Variants in TMEM37 observed in about 807,000 individuals in gnomAD.
TMEM37 encodes the protein voltage-dependent calcium channel gamma-like subunit.
TMEM37 carries 12 observed loss-of-function variants against 11.0 expected under a neutral mutation model. The observed-to-expected ratio is 1.09, with a 90% CI of 0.70 to 1.76. The LOEUF (loss-of-function observed/expected upper bound fraction) is 1.76, where lower values mean the gene tolerates loss of function less well. TMEM37 is among the 40% of genes most tolerant of loss of function. The pLI, the probability that TMEM37 is intolerant of heterozygous loss-of-function variation, is 0.00. For synonymous variants in TMEM37, 127 were observed against 110.5 expected, an observed-to-expected ratio of 1.15 and a Z score of -0.94; for missense variants, 203 against 251.2, an observed-to-expected ratio of 0.81 and a Z score of 1.30.
rs1682406561 is a variant in TMEM37 at position 119,431,932 on chromosome 2, G to C, written c.21+8G>C. 3 of 1,225,010 alleles carry C rather than the reference G, an allele frequency of 2.4e-6. No homozygotes were observed. The allele number at this position is 1,225,010 out of a possible 1,614,324, so 75.9% of individuals were successfully genotyped here. On this transcript the variant is annotated splice_region_variant and intron_variant, in intron 1 of 1. Coordinates refer to ENST00000306406, the MANE Select transcript of TMEM37 (RefSeq NM_183240.3). Reference sequence around the variant, plus strand: ...ACTGCCGTCGGCGTGCAGGTAGCCGGCGCCTGGCGGGGCGCTGACCCGGGG... The same window carrying C: ...ACTGCCGTCGGCGTGCAGGTAGCCGCCGCCTGGCGGGGCGCTGACCCGGGG...
rs200852619 is a variant in TMEM37, at chr2:119,437,919, TAGG to T, written c.*481_*483del. The T allele has an allele frequency of 2.8e-3, 281 of 100,344 alleles. 1 individual carries two copies. Among genetic ancestry groups the T allele is most frequent in the Middle Eastern group, 4.9e-3 (1 of 204 alleles). The allele number at this position is 100,344 out of a possible 1,614,324, so 6.2% of individuals were successfully genotyped here. A position where few individuals can be genotyped will look rare whatever the true frequency, so the allele number is the denominator to read the frequency against. On this transcript the variant is annotated 3_prime_UTR_variant, in exon 2 of 2. Coordinates refer to ENST00000306406, the MANE Select transcript of TMEM37 (RefSeq NM_183240.3). ...TCCAGCTAAGGGTCCAATCAGTGCC[TAGG>T]ACTTTCTTCCACCAGCTCAAAGGGC...
chr2:119,429,928 T>A (rs1027361646), upstream of TMEM37: 1 of 1,550,530 alleles, frequency 6.4e-7, no homozygotes, highest in East Asian at 2.4e-5. Context: ...TGGGTGCAGA[T>A]GACCCGACCT....
upstream of TMEM37, chr2:119,430,436 A>G (rs1290069600): frequency 6.3e-6 from 3 of 473,852 alleles, no homozygotes; most frequent in African/African-American, 2.0e-5. Flanking sequence ...AGTGGACTCA[A>G]TGTGGGTGGC....
chr2:119,431,865 T>C lies in TMEM37; in HGVS notation c.-39T>C, dbSNP rs1373880438. The C allele has an allele frequency of 8.9e-6, 11 of 1,233,792 alleles. 1 individual carries two copies. The African/African-American group carries it at 1.6e-4, about 18-fold the overall frequency. 76.4% of individuals were successfully genotyped at this position (1,233,792 alleles called of 1,614,324 possible). A position where few individuals can be genotyped will look rare whatever the true frequency, so the allele number is the denominator to read the frequency against. On this transcript the variant is annotated 5_prime_UTR_variant, in exon 1 of 2. Coordinates refer to ENST00000306406, the MANE Select transcript of TMEM37 (RefSeq NM_183240.3). ...GCGCCGGCGGCCACAGCGGAGCAGC[T>C]GGAGCGATCGAGGCTGCAGCGCGGC...
intron 1 of TMEM37, among the ~76,000 whole-genome samples, chr2:119,436,003 G>A (rs753376941): frequency 7.9e-5 from 12 of 152,294 alleles, no homozygotes; most frequent in South Asian, 2.1e-4. Context: ...GTGGGGAGGC[G>A]GAGCGGATTG....
At chr2:119,431,102 T>C (rs114123363), upstream of TMEM37, among the ~76,000 whole-genome samples, 672 of 151,784 alleles carry the variant, frequency 4.4e-3, 5 homozygotes, top group African/African-American at 0.016. Context: ...TGAGCCGTGA[T>C]CGCGTCATTG....
upstream of TMEM37, chr2:119,430,457 C>G (rs1384996670): frequency 2.1e-6 from 1 of 472,334 alleles, no homozygotes; most frequent in East Asian, 6.9e-5. Flanking sequence ...CTGGGCCAAG[C>G]CTTCCTGTGC....
chr2:119,437,219 A>G lies in TMEM37; in HGVS notation c.352A>G (p.Lys118Glu). The change falls in exon 2 of 2, where the codon AAA becomes GAA. Residue 118 changes from lysine to glutamate, a missense_variant. Physicochemically the swap from Lys to Glu is moderately conservative, Grantham distance 56 (BLOSUM62 1). Transcript: ENST00000306406. ...CATGGTGTCCCAGTTGTGCGAGGAC[A>G]AACACTCACAGTGCAAGTGGGTCAT... ...FLMVSQLCED[K>E]HSQCKWVMGS... is the part of the protein sequence containing the mutation. The G allele has an allele frequency of 6.2e-7, 1 of 1,614,230 alleles. No individual in the cohort carries two copies. The highest frequency in any genetic ancestry group is 8.5e-7 in the Non-Finnish European group (1 of 1,180,042).
Position 119,437,103 on chromosome 2 carries a change from C to T in TMEM37, c.236C>T (p.Ala79Val). The T allele has an allele frequency of 6.2e-7, 1 of 1,613,982 alleles. No homozygotes were observed. The highest frequency in any genetic ancestry group is 8.5e-7 in the Non-Finnish European group (1 of 1,179,932). ...ATCTGCTTCAGAGACCTGGGCCAGG[C>T]CCATGTGCCCGGGCTGGCCGTGGGC... ...QTICFRDLGQ[A>V]HVPGLAVGMG... Residue 79 changes from alanine (A) to valine (V), a missense_variant, in exon 2 of 2, where the codon GCC (alanine) becomes GTC (valine). Transcript: ENST00000306406.
chr2:119,430,070 A>G, upstream of TMEM37: 1 of 1,138,562 alleles, frequency 8.8e-7, no homozygotes, highest in Non-Finnish European at 1.3e-6. Flanking sequence ...GCAACAGGAC[A>G]GGTCTTCCTT....
chr2:119,431,967 G>A, intron 1 of TMEM37, 43 bp downstream of exon 1: 1 of 1,190,372 alleles, frequency 8.4e-7, no homozygotes, highest in Non-Finnish European at 1.0e-6. Context: ...GTGCTGCCCC[G>A]CCGTGGGAGG....
At position 119,437,594 on chromosome 2, in the gene TMEM37, C is replaced by G; in HGVS notation, c.*154C>G. The G allele has an allele frequency of 9.5e-7, 1 of 1,049,330 alleles. No homozygotes were observed. The highest frequency in any genetic ancestry group is 2.5e-5 in the East Asian group (1 of 39,256). The allele number at this position is 1,049,330 out of a possible 1,614,324, so 65.0% of individuals were successfully genotyped here. The stretch of plus-strand genomic sequence containing the variant: ...TTGCCGATAACTTGTGGGTGGTCAG[C>G]CAGAAATGGCCCGGGGGCCTCTGCA... On this transcript the variant is annotated 3_prime_UTR_variant, in exon 2 of 2. Transcript: ENST00000306406.
In TMEM37 at chr2:119,437,366, A is replaced by G; in HGVS notation, c.499A>G (p.Thr167Ala). The G allele has an allele frequency of 1.9e-6, 3 of 1,614,220 alleles. No individual in the cohort carries two copies. Among genetic ancestry groups the G allele is most frequent in the Non-Finnish European group, 2.5e-6 (3 of 1,180,040 alleles). The change falls in exon 2 of 2, where the codon ACT becomes GCT. Residue 167 changes from threonine to alanine, a missense_variant. Thr to Ala is a moderately conservative substitution (Grantham distance 58, BLOSUM62 0). Coordinates refer to ENST00000306406, the MANE Select transcript of TMEM37 (RefSeq NM_183240.3). Reference sequence around the variant, plus strand: ...CACCCTAATGTTTTGGTGCGAATTCACTGCCTCCTTCCTCCTCTTCCTGAA... The same window carrying G: ...CACCCTAATGTTTTGGTGCGAATTCGCTGCCTCCTTCCTCCTCTTCCTGAA... The part of the protein sequence containing the change: ...GFTLMFWCEF[T>A]ASFLLFLNAI...
chr2:119,430,453 CA>C (rs534512857), upstream of TMEM37: 14 of 472,902 alleles, frequency 3.0e-5, no homozygotes, highest in East Asian at 2.8e-4. Flanking sequence ...TGGCCTGGGC[CA>C]AGCCTTCCTG....
rs774921242 is a variant in TMEM37, at chr2:119,437,442, C to G, written c.*2C>G. ...AGCATCACCCATCCCTGGGAATGAC[C>G]GTGGAAATTTTAGGCCCCCTCCAGG... On this transcript the variant is annotated 3_prime_UTR_variant, in exon 2 of 2. Transcript: ENST00000306406. 6.2e-7 allele frequency: 1 copy of G among 1,608,926 alleles called. No individual in the cohort carries two copies.
chr2:119,435,589 C>T (rs768018994), intron 1 of TMEM37, among the ~76,000 whole-genome samples: 5 of 152,216 alleles, frequency 3.3e-5, no homozygotes, highest in Non-Finnish European at 7.3e-5. Context: ...ACTTATCTCA[C>T]AGCTCTCCCT....
chr2:119,430,343 C>T, upstream of TMEM37: 1 of 508,208 alleles, frequency 2.0e-6, no homozygotes, highest in Non-Finnish European at 4.0e-6. Context: ...TTTAACAAAC[C>T]TTCCAGGTGA....
chr2:119,436,754 C>A, intron 1 of TMEM37, 135 bp from the exon 2 acceptor site: 1 of 732,220 alleles, frequency 1.4e-6, no homozygotes, highest in Non-Finnish European at 2.3e-6. Flanking sequence ...TGGTCTGTTC[C>A]GGGCTTCACA....
chr2:119,431,160 AAGAG>A (rs570792519), upstream of TMEM37, among the ~76,000 whole-genome samples: 1 of 152,142 alleles, frequency 6.6e-6, no homozygotes, highest in African/African-American at 2.4e-5. Flanking sequence ...GAAAAAAAAA[AAGAG>A]AGACCTCAGT....
Sources: gnomAD v4.1 joint callset for allele counts (sites outside exome capture counted in the v4.1 genomes callset) on GRCh38, gnomAD v4.1.1 for gene constraint, MANE v1.5 for transcripts, NCBI Gene and HGNC (gene_info 2026-07-23, HGNC 2026-07-21) for gene names.